Variants in MAP2K5 observed in about 807,000 individuals in gnomAD.
MAP2K5 encodes dual specificity mitogen-activated protein kinase kinase 5.
A neutral mutation model predicts 83.1 loss-of-function variants in MAP2K5; 49 were observed. That is an observed-to-expected ratio of 0.59 (90% CI 0.47 to 0.75). MAP2K5 has a LOEUF of 0.75. Among genes scored for constraint, MAP2K5 ranks in the 30% least tolerant of loss-of-function variants. The pLI, the probability that MAP2K5 is intolerant of heterozygous loss-of-function variation, is 0.00. For missense variants in MAP2K5, 457 were observed against 557.5 expected (o/e 0.82, Z 1.82); for synonymous variants, 202 against 191.8 (o/e 1.05, Z -0.44).
intron 6 of MAP2K5, among the ~76,000 whole-genome samples, chr15:67,591,524 C>A (rs1567295402): frequency 6.6e-6 from 1 of 151,042 alleles, no homozygotes; most frequent in Non-Finnish European, 1.5e-5. Flanking sequence ...CGCCGGCCAC[C>A]ACACCCGGCT....
At chr15:67,712,197 C>T (rs1013525042) in intron 16 of MAP2K5, among the ~76,000 whole-genome samples, 4 of 152,232 alleles carry the variant, frequency 2.6e-5, no homozygotes, top group African/African-American at 9.6e-5. Flanking sequence ...GATTACTTTA[C>T]ACTCAAAGAT....
Position 67,777,567 on chromosome 15 carries a change from T to C in MAP2K5, c.1242+4815T>C, listed in dbSNP as rs1253033104. The stretch of plus-strand genomic sequence containing the variant: ...ACGTATCACATACATATTAAAAACA[T>C]ATACCCATTCTATCTGTATGTAAAT... On this transcript the variant is annotated intron_variant, in intron 21 of 21. Coordinates refer to ENST00000178640, the MANE Select transcript of MAP2K5 (RefSeq NM_145160.3). The surrounding 1 kb of genome is among the most constrained non-coding windows in gnomAD (Gnocchi z 6.0). 6.6e-6 allele frequency among the ~76,000 whole-genome samples: 1 copy of C among 152,216 alleles called. No homozygotes were observed. Among genetic ancestry groups the C allele is most frequent in the Non-Finnish European group, 1.5e-5 (1 of 68,036 alleles).
intron 17 of MAP2K5, among the ~76,000 whole-genome samples, chr15:67,731,419 T>C (rs1377874053): frequency 6.6e-6 from 1 of 152,180 alleles, no homozygotes; most frequent in Non-Finnish European, 1.5e-5. Context: ...CATTGTTTTG[T>C]GGGTTGGGTC....
intron 17 of MAP2K5, among the ~76,000 whole-genome samples, chr15:67,737,241 G>T (rs1000965835): frequency 1.3e-5 from 2 of 152,160 alleles, no homozygotes; most frequent in Admixed American, 1.3e-4. Flanking sequence ...GATCCCTGGG[G>T]GGAGAATGGT....
At chr15:67,739,422 CTATATATATATATATATATATATA>C (rs1381294022) in intron 17 of MAP2K5, among the ~76,000 whole-genome samples, 30 of 46,662 alleles carry the variant, frequency 6.4e-4, no homozygotes, top group Middle Eastern at 0.021. Context: ...TTGTGTGTGA[CTATATATATATATATATATATATA>C]TATATATATA....
intron 16 of MAP2K5, among the ~76,000 whole-genome samples, chr15:67,716,857 A>T (rs1355198017): frequency 6.6e-6 from 1 of 152,198 alleles, no homozygotes; most frequent in Admixed American, 6.5e-5. Flanking sequence ...GGTATTCATT[A>T]TCTCTTTCAA....
chr15:67,806,663 G>T lies in MAP2K5; in HGVS notation c.1260G>T (p.Val420=). 1 of 1,551,094 alleles carries T rather than the reference G, an allele frequency of 6.4e-7. No homozygotes were observed. The highest frequency in any genetic ancestry group is 2.4e-5 in the East Asian group (1 of 40,936). Residue 420 remains valine, a synonymous_variant, in exon 22 of 22, where the codon GTG becomes GTT. Transcript: ENST00000178640. ...CCCCGCAGGGCCACCCGTTCATCGT[G>T]CAGTTCAATGATGGAAATGCCGCCG... The part of the protein sequence containing the change: ...PEELMGHPFI[V]QFNDGNAAVV...
At chr15:67,723,179 C>T (rs2089006876) in intron 16 of MAP2K5, among the ~76,000 whole-genome samples, 1 of 152,096 alleles carries the variant, frequency 6.6e-6, no homozygotes, top group African/African-American at 2.4e-5. Context: ...CAACAAAAGC[C>T]ATTCTGTTGC....
rs2089054460 is a variant in MAP2K5, at chr15:67,724,876, ACT to A, written c.1045-3037_1045-3036del. Among the ~76,000 whole-genome samples, 3 of 152,184 alleles carry A rather than the reference ACT, an allele frequency of 2.0e-5. No individual in the cohort carries two copies. The highest frequency in any genetic ancestry group is 4.4e-5 in the Non-Finnish European group (3 of 68,042). On this transcript the variant is annotated intron_variant, in intron 16 of 21. Transcript: ENST00000178640. The surrounding 1 kb of genome is among the most constrained non-coding windows in gnomAD (Gnocchi z 4.4). ...AGTCTTTCAACAGCCCAGTGGTGAC[ACT>A]CTGTAAGAGAGGAAGTGATTGTCAT...
chr15:67,598,867 G>A (rs1567300655), intron 7 of MAP2K5, among the ~76,000 whole-genome samples: 2 of 152,136 alleles, frequency 1.3e-5, no homozygotes, highest in Non-Finnish European at 1.5e-5. Flanking sequence ...AATGTCTCTC[G>A]TAGAAATTTA....
At chr15:67,623,839 C>A (rs1320081684) in intron 8 of MAP2K5, among the ~76,000 whole-genome samples, 1 of 151,828 alleles carries the variant, frequency 6.6e-6, no homozygotes, top group Non-Finnish European at 1.5e-5. Context: ...TCAGGTGATA[C>A]GCCCACCTGG....
intron 8 of MAP2K5, among the ~76,000 whole-genome samples, chr15:67,623,754 C>A (rs1180727067): frequency 6.6e-6 from 1 of 151,734 alleles, no homozygotes; most frequent in Non-Finnish European, 1.5e-5. Context: ...CCCACCACCA[C>A]ACTGGGCTAA....
intron 14 of MAP2K5, among the ~76,000 whole-genome samples, chr15:67,692,919 A>G (rs920635400): frequency 6.6e-6 from 1 of 152,190 alleles, no homozygotes; most frequent in Non-Finnish European, 1.5e-5. Context: ...GGGAGCAACA[A>G]TGGTGGAGGG....
At chr15:67,655,658 A>G (rs2087054648) in intron 11 of MAP2K5, among the ~76,000 whole-genome samples, 1 of 152,086 alleles carries the variant, frequency 6.6e-6, no homozygotes, top group Admixed American at 6.6e-5. Context: ...GTCTTTGGCT[A>G]TGGATAGTTT....
In MAP2K5 at chr15:67,790,019, A is replaced by G. The variant is rs1193807880; in HGVS notation, c.1243-16627A>G. ...TATTTGCTCATGACCTTGTCAAGCA[A>G]CATTGAGGTTGAATAGCCAATAGCT... On this transcript the variant is annotated intron_variant, in intron 21 of 21. Transcript: ENST00000178640. The surrounding 1 kb of genome is among the most constrained non-coding windows in gnomAD (Gnocchi z 4.6). 6.6e-6 allele frequency among the ~76,000 whole-genome samples: 1 copy of G among 152,166 alleles called. No homozygotes were observed. The highest frequency in any genetic ancestry group is 1.5e-5 in the Non-Finnish European group (1 of 68,024).
At chr15:67,646,929 T>C (rs770993890) in intron 11 of MAP2K5, among the ~76,000 whole-genome samples, 10 of 152,200 alleles carry the variant, frequency 6.6e-5, no homozygotes, top group Non-Finnish European at 1.3e-4. Flanking sequence ...AAGATGTGTT[T>C]AATTTTCTTT....
intron 13 of MAP2K5, 64 bp downstream of exon 13, chr15:67,664,709 T>C: frequency 9.5e-7 from 1 of 1,052,854 alleles, no homozygotes; most frequent in South Asian, 1.4e-5. Flanking sequence ...CCAGATACCT[T>C]GATTTTTAAA....
intron 4 of MAP2K5, among the ~76,000 whole-genome samples, chr15:67,581,746 A>T (rs185321043): frequency 2.6e-5 from 4 of 152,342 alleles, no homozygotes; most frequent in East Asian, 3.9e-4. Flanking sequence ...ATTAACCAGT[A>T]GGCTCCTATT....
intron 15 of MAP2K5, among the ~76,000 whole-genome samples, chr15:67,696,320 G>A (rs12902804): frequency 0.37 from 55,836 of 151,862 alleles, 11,927 homozygotes; most frequent in Non-Finnish European, 0.5. Context: ...AGTTTTATTG[G>A]AACATGACCA....
Sources: gnomAD v4.1 joint callset for allele counts (sites outside exome capture counted in the v4.1 genomes callset) on GRCh38, gnomAD v4.1.1 for gene constraint, Gnocchi (gnomAD v3.1) non-coding constraint, MANE v1.5 for transcripts, NCBI Gene and HGNC (gene_info 2026-07-23, HGNC 2026-07-21) for gene names.